ZFP90: variants seen among roughly 807,000 people sequenced by gnomAD.
ZFP90 encodes ZFP90 zinc finger protein, also known as zinc finger protein 90 homolog.
A neutral mutation model predicts 60.8 loss-of-function variants in ZFP90; 38 were observed. That is an observed-to-expected ratio of 0.62 (90% CI 0.48 to 0.82). The LOEUF (loss-of-function observed/expected upper bound fraction) is 0.82, where lower values mean the gene tolerates loss of function less well. Ranked by LOEUF, ZFP90 falls within the 40% of genes least tolerant of loss-of-function variation. The probability of loss-of-function intolerance (pLI) is 0.00; values close to 1 mark genes in which losing one functional copy is unlikely to be tolerated. For synonymous variants in ZFP90, 287 were observed against 264.8 expected (o/e 1.08, Z -0.82); for missense variants, 711 against 759.1 (o/e 0.94, Z 0.74).
intron 2 of ZFP90, among the ~76,000 whole-genome samples, chr16:68,557,002 T>G (rs2091354877): frequency 6.6e-6 from 1 of 152,162 alleles, no homozygotes; most frequent in African/African-American, 2.4e-5. Context: ...TTTACTCTCT[T>G]TTTTTGAGAC....
downstream of ZFP90, among the ~76,000 whole-genome samples, chr16:68,576,350 A>C (rs2091594154): frequency 6.6e-6 from 1 of 152,220 alleles, no homozygotes; most frequent in African/African-American, 2.4e-5. Flanking sequence ...CAATTGTTTA[A>C]CATCATTGCT....
intron 2 of ZFP90, among the ~76,000 whole-genome samples, chr16:68,541,930 C>T (rs367724181): frequency 6.6e-6 from 1 of 152,166 alleles, no homozygotes; most frequent in Non-Finnish European, 1.5e-5. Context: ...AACGCCCTGG[C>T]TCAGTTGCAT....
rs1555496914 is a variant in ZFP90 at position 68,534,229 on chromosome 16, C to CTTTTTTTTTTTTTTTTTTTTTTTT, written c.-36+377_-36+378insTTTTTTTTTTTTTTTTTTTTTTTT. Among the ~76,000 whole-genome samples the CTTTTTTTTTTTTTTTTTTTTTTTT allele has an allele frequency of 3.0e-5, 4 of 135,148 alleles. 2 individuals are homozygous for CTTTTTTTTTTTTTTTTTTTTTTTT. The allele number at this position is 135,148 out of a possible 152,430, so 88.7% of individuals were successfully genotyped here. ...CATTTTTAACTTAAAGATTTTCTTT[C>CTTTTTTTTTTTTTTTTTTTTTTTT]TTTCTTTTTTTTTTTTTGAGACAGC... On this transcript the variant is annotated intron_variant, in intron 2 of 3. Coordinates refer to the ZFP90 transcript ENST00000569109.
At chr16:68,574,668 A>G (rs1349962816) in intron 2 of ZFP90, among the ~76,000 whole-genome samples, 6 of 152,102 alleles carry the variant, frequency 3.9e-5, no homozygotes, top group Non-Finnish European at 7.4e-5. Flanking sequence ...TCACACCTAT[A>G]ATCCCAGCAT....
chr16:68,555,155 C>G (rs550781044), intron 2 of ZFP90: 3 of 152,256 alleles, frequency 2.0e-5, no homozygotes, highest in Non-Finnish European at 4.4e-5. Context: ...CTTTGAGCGC[C>G]TGCAGCACCT....
In ZFP90 at chr16:68,564,759, G is replaced by A; in HGVS notation, c.*61G>A. 6.5e-7 allele frequency: 1 copy of A among 1,526,850 alleles called. No homozygotes were observed. Among genetic ancestry groups the A allele is most frequent in the Non-Finnish European group, 8.7e-7 (1 of 1,143,226 alleles). 94.6% of individuals were successfully genotyped at this position (1,526,850 alleles called of 1,614,324 possible). On this transcript the variant is annotated 3_prime_UTR_variant, in exon 5 of 5. Transcript: ENST00000563169. ...GCTAAAATGTTCTGATTCAGGATCA[G>A]AGGATTCTTAGAGAGCTTGGGAATG...
At chr16:68,562,836 C>A in intron 4 of ZFP90, 5 of 1,170,832 alleles carry the variant, frequency 4.3e-6, no homozygotes, top group Non-Finnish European at 5.9e-6. Context: ...TTTCCTCATT[C>A]TCTGGACTTA....
At chr16:68,569,818 C>A (rs1005618096), downstream of ZFP90, among the ~76,000 whole-genome samples, 2 of 152,112 alleles carry the variant, frequency 1.3e-5, no homozygotes, top group Non-Finnish European at 2.9e-5. Context: ...AAGATAATTC[C>A]TCTTCTCTGT....
chr16:68,552,838 TTGAG>T, intron 2 of ZFP90, among the ~76,000 whole-genome samples: 1 of 152,242 alleles, frequency 6.6e-6, no homozygotes, highest in Non-Finnish European at 1.5e-5. Context: ...GGAGAACTGC[TTGAG>T]CCCATAAGTT....
chr16:68,540,014 G>A (rs950689363), intron 2 of ZFP90, among the ~76,000 whole-genome samples, 189 bp downstream of exon 2: 2 of 152,254 alleles, frequency 1.3e-5, no homozygotes, highest in African/African-American at 4.8e-5. Flanking sequence ...GCTGCTCTGT[G>A]GGGTAGAGAG....
Position 68,539,788 on chromosome 16 carries a change from C to T in ZFP90, c.-5C>T. ...GCCCCGGAGCCGGGCCCTGGCGAGG[C>T]AGGAATGGCCCCGAGGCCTCCGACC... On this transcript the variant is annotated 5_prime_UTR_variant, in exon 2 of 5. Coordinates refer to ENST00000563169, the MANE Select transcript of ZFP90 (RefSeq NM_001305203.2). The T allele has an allele frequency of 3.1e-6, 5 of 1,598,842 alleles. No homozygotes were observed. The highest frequency in any genetic ancestry group is 4.3e-6 in the Non-Finnish European group (5 of 1,174,234).
rs139976715 is a variant in ZFP90 at position 68,565,585 on chromosome 16, C to T, written c.*887C>T. On this transcript the variant is annotated 3_prime_UTR_variant, in exon 5 of 5. Transcript: ENST00000563169. ...AATTATACTTTCAGCTAACATATGC[C>T]AGTTTCACAGAACTATTAAGTCCCC... 31 of 985,548 alleles carry T rather than the reference C, an allele frequency of 3.1e-5. No homozygotes were observed. In the African/African-American group the frequency reaches 5.1e-4, roughly 16 times the overall value. The allele number at this position is 985,548 out of a possible 1,614,324, so 61.1% of individuals were successfully genotyped here.
Position 68,565,578 on chromosome 16 carries a change from CAT to C in ZFP90, c.*883_*884del, listed in dbSNP as rs555622109. 57 of 985,578 alleles carry C rather than the reference CAT, an allele frequency of 5.8e-5. No individual in the cohort carries two copies. In the East Asian group the frequency reaches 2.1e-3, roughly 37 times the overall value. The allele number at this position is 985,578 out of a possible 1,614,324, so 61.1% of individuals were successfully genotyped here. On this transcript the variant is annotated 3_prime_UTR_variant, in exon 5 of 5. Transcript: ENST00000563169. ...CAGTTACAATTATACTTTCAGCTAA[CAT>C]ATGCCAGTTTCACAGAACTATTAAG... is the stretch of plus-strand genomic sequence containing the variant.
At chr16:68,560,765 T>C (rs1446361943) in intron 4 of ZFP90, among the ~76,000 whole-genome samples, 1 of 151,892 alleles carries the variant, frequency 6.6e-6, no homozygotes, top group African/African-American at 2.4e-5. Context: ...ACTAAACTGC[T>C]ATTGGCCAGC....
chr16:68,568,461 A>G (rs199647428), downstream of ZFP90, among the ~76,000 whole-genome samples: 14 of 152,200 alleles, frequency 9.2e-5, no homozygotes, highest in Non-Finnish European at 1.9e-4. Flanking sequence ...GTAACTTGGT[A>G]TAATTATTTT....
At chr16:68,571,129 A>AATG (rs2091565747), downstream of ZFP90, among the ~76,000 whole-genome samples, 3 of 152,204 alleles carry the variant, frequency 2.0e-5, no homozygotes, top group Admixed American at 2.0e-4. Context: ...CTGTTGAAGG[A>AATG]ATGTGCTGAG....
intron 2 of ZFP90, chr16:68,555,033 G>T (rs1029173476): frequency 1.3e-5 from 2 of 152,286 alleles, no homozygotes; most frequent in African/African-American, 4.8e-5. Flanking sequence ...AAGCTTCCCA[G>T]TCCCTGGATT....
chr16:68,535,653 C>A (rs183146448), upstream of ZFP90: 1 of 151,756 alleles, frequency 6.6e-6, no homozygotes. Flanking sequence ...ACAGTCTCTA[C>A]GGAGACTGAA....
At chr16:68,540,911 C>CTTTTTTT (rs34827177) in intron 2 of ZFP90, among the ~76,000 whole-genome samples, 15 of 125,728 alleles carry the variant, frequency 1.2e-4, no homozygotes, top group Middle Eastern at 4.2e-3. Context: ...TACATCATGC[C>CTTTTTTT]TTTTTTTTTT....
Sources: allele counts gnomAD v4.1 joint callset (sites outside exome capture counted in the v4.1 genomes callset), GRCh38; gene constraint gnomAD v4.1.1; transcripts MANE v1.5; gene names NCBI Gene and HGNC (gene_info 2026-07-23, HGNC 2026-07-21).